The following TM9SF3 variants were observed in gnomAD, a reference collection of about 807,000 sequenced individuals.
The protein encoded by TM9SF3 is transmembrane 9 superfamily member 3.
In TM9SF3, 14 loss-of-function variants were observed where a neutral mutation model predicts 78.6. The ratio of observed to expected loss-of-function variants is 0.18; its 90% CI spans 0.12 to 0.28. TM9SF3 has a LOEUF of 0.28. TM9SF3 is among the 10% of genes least tolerant of loss of function. TM9SF3 has a pLI of 1.00. For synonymous variants in TM9SF3, 231 were observed against 241.7 expected (o/e 0.96, Z 0.41); for missense variants, 496 against 721.9 (o/e 0.69, Z 3.59).
At chr10:96,531,618 C>A (rs554912851) in intron 10 of TM9SF3, among the ~76,000 whole-genome samples, 1 of 152,138 alleles carries the variant, frequency 6.6e-6, no homozygotes, top group Admixed American at 6.5e-5. Flanking sequence ...GAAGCCAAGA[C>A]ACAGAGGTTA....
At chr10:96,564,533 C>T (rs190132219) in intron 3 of TM9SF3, among the ~76,000 whole-genome samples, 1 of 152,314 alleles carries the variant, frequency 6.6e-6, no homozygotes, top group East Asian at 1.9e-4. Context: ...TATTAACTTT[C>T]TAAATTTCAT....
chr10:96,526,768 AATACTCT>A (rs1232292655), intron 14 of TM9SF3, among the ~76,000 whole-genome samples: 1 of 152,068 alleles, frequency 6.6e-6, no homozygotes, highest in African/African-American at 2.4e-5. Context: ...TTTCTCCAAG[AATACTCT>A]GAGAAGTTTC....
At chr10:96,522,416 G>A (rs578056858) in intron 14 of TM9SF3, 86 bp from the exon 15 acceptor site, 1 of 1,051,318 alleles carries the variant, frequency 9.5e-7, no homozygotes, top group Non-Finnish European at 1.4e-6. Flanking sequence ...CTATGCTCTG[G>A]AAAGTTATTC....
intron 10 of TM9SF3, among the ~76,000 whole-genome samples, chr10:96,532,183 C>CT (rs1231198590): frequency 1.3e-5 from 2 of 151,898 alleles, no homozygotes; most frequent in Non-Finnish European, 2.9e-5. Flanking sequence ...GCACTCCAGC[C>CT]TGGGCCACAG....
intron 3 of TM9SF3, 84 bp from the exon 4 acceptor site, chr10:96,562,222 T>TTG (rs2134150913): frequency 2.7e-6 from 3 of 1,106,442 alleles, no homozygotes; most frequent in South Asian, 3.0e-5. Context: ...TTAAGTTTTT[T>TTG]TTTTTTTTTT....
intron 2 of TM9SF3, among the ~76,000 whole-genome samples, chr10:96,572,525 CT>C (rs35050136): frequency 0.031 from 4,134 of 131,488 alleles, 167 homozygotes; most frequent in African/African-American, 0.1. Flanking sequence ...AACGCATTTT[CT>C]TTTTTTTTTT....
chr10:96,530,384 A>G (rs1314452817), intron 11 of TM9SF3, among the ~76,000 whole-genome samples, 156 bp downstream of exon 11: 5 of 152,224 alleles, frequency 3.3e-5, no homozygotes, highest in African/African-American at 1.2e-4. Context: ...AACACAGCCA[A>G]CAGCTACCTT....
At chr10:96,535,642 TCTC>T (rs1457227582) in intron 9 of TM9SF3, among the ~76,000 whole-genome samples, 12 of 152,300 alleles carry the variant, frequency 7.9e-5, no homozygotes, top group African/African-American at 2.6e-4. Context: ...AATATGGGGC[TCTC>T]CTCTATTCCT....
intron 4 of TM9SF3, 113 bp from the exon 5 acceptor site, chr10:96,559,849 G>C (rs1848282380): frequency 5.1e-6 from 3 of 588,608 alleles, no homozygotes; most frequent in East Asian, 2.9e-5. Flanking sequence ...AAATTCACTA[G>C]AGAAATGGAG....
chr10:96,557,557 GC>G (rs1848250418), intron 5 of TM9SF3, among the ~76,000 whole-genome samples: 1 of 115,076 alleles, frequency 8.7e-6, no homozygotes. Flanking sequence ...GTGCTCCCCT[GC>G]CCCCTTTGCA....
At chr10:96,551,550 A>G in intron 6 of TM9SF3, 139 bp from the exon 7 acceptor site, 1 of 548,620 alleles carries the variant, frequency 1.8e-6, no homozygotes, top group Non-Finnish European at 2.9e-6. Context: ...GAGAAAGTAT[A>G]TTCCAAACTT....
intron 4 of TM9SF3, chr10:96,560,357 A>G (rs1259339568): frequency 4.1e-6 from 3 of 739,660 alleles, no homozygotes; most frequent in East Asian, 2.5e-5. Context: ...GATGAATTGC[A>G]TATTGTTGAA....
At position 96,586,966 on chromosome 10, in the gene TM9SF3, A is replaced by G. The variant is rs1474405455; in HGVS notation, c.-131T>C. ...CGGACAGACGCACGGGGCCCGGCCC[A>G]GCCGCTGCCTCCTCTGCCGCCGCCG... is the stretch of plus-strand genomic sequence containing the variant. On this transcript the variant is annotated 5_prime_UTR_variant, in exon 1 of 15. Transcript: ENST00000371142. The G allele has an allele frequency of 7.4e-6, 5 of 678,526 alleles. No homozygotes were observed. Among genetic ancestry groups the G allele is most frequent in the Non-Finnish European group, 9.7e-6 (5 of 516,304 alleles). 42.0% of individuals were successfully genotyped at this position (678,526 alleles called of 1,614,324 possible). A position where few individuals can be genotyped will look rare whatever the true frequency, so the allele number is the denominator to read the frequency against.
chr10:96,537,241 A>G (rs563993598), intron 9 of TM9SF3, among the ~76,000 whole-genome samples: 1 of 152,310 alleles, frequency 6.6e-6, no homozygotes, highest in East Asian at 1.9e-4. Context: ...CGTTGGTCCC[A>G]TAAGATTATA....
chr10:96,556,053 G>A (rs915717115), intron 5 of TM9SF3, among the ~76,000 whole-genome samples: 2 of 152,104 alleles, frequency 1.3e-5, no homozygotes, highest in Non-Finnish European at 2.9e-5. Context: ...GTAATAACCT[G>A]AAATTTTGTA....
intron 9 of TM9SF3, among the ~76,000 whole-genome samples, chr10:96,534,071 CAT>C (rs149354893): frequency 0.032 from 4,802 of 152,186 alleles, 244 homozygotes; most frequent in African/African-American, 0.11. Context: ...CTGAATGAAA[CAT>C]GTGAAGACAC....
At chr10:96,544,770 A>T (rs1848077186) in intron 8 of TM9SF3, among the ~76,000 whole-genome samples, 1 of 152,168 alleles carries the variant, frequency 6.6e-6, no homozygotes, top group Non-Finnish European at 1.5e-5. Context: ...TGAGTTTTTA[A>T]AAAAAGAACC....
chr10:96,540,754 T>C (rs1354511841), intron 9 of TM9SF3, among the ~76,000 whole-genome samples: 3 of 150,130 alleles, frequency 2.0e-5, no homozygotes, highest in Non-Finnish European at 4.4e-5. Context: ...CTAACATTGG[T>C]TTTATATTAC....
At chr10:96,528,847 A>G (rs1284962283) in intron 11 of TM9SF3, among the ~76,000 whole-genome samples, 1 of 152,176 alleles carries the variant, frequency 6.6e-6, no homozygotes, top group Non-Finnish European at 1.5e-5. Context: ...CTTACGTTAT[A>G]AAGACCCTTA....
Sources: allele counts gnomAD v4.1 joint callset (sites outside exome capture counted in the v4.1 genomes callset), GRCh38; gene constraint gnomAD v4.1.1; transcripts MANE v1.5; gene names NCBI Gene and HGNC (gene_info 2026-07-23, HGNC 2026-07-21).